The following SVIL variants were observed in gnomAD, a reference collection of about 807,000 sequenced individuals.
The protein encoded by SVIL is supervillin.
SVIL carries 101 observed loss-of-function variants against 240.4 expected under a neutral mutation model. The ratio of observed to expected loss-of-function variants is 0.42; its 90% CI spans 0.36 to 0.50. The LOEUF (loss-of-function observed/expected upper bound fraction) is 0.50. Ranked by LOEUF, SVIL falls within the 20% of genes least tolerant of loss-of-function variation. SVIL has a pLI of 0.01. For synonymous variants in SVIL, 999 were observed against 1,100.0 expected (o/e 0.91, Z 1.82); for missense variants, 2,512 against 2,818.7 (o/e 0.89, Z 2.46).
chr10:29,693,277 C>T (rs2132619478), intron 1 of SVIL, among the ~76,000 whole-genome samples: 1 of 137,130 alleles, frequency 7.3e-6, no homozygotes, highest in East Asian at 2.1e-4. Context: ...AAGCATGACA[C>T]TATAGGACCT....
chr10:29,467,907 A>G, intron 32 of SVIL, 32 bp from the exon 33 acceptor site: 1 of 1,610,556 alleles, frequency 6.2e-7, no homozygotes, highest in East Asian at 2.2e-5. Flanking sequence ...AGTTCTTTAT[A>G]AGTCTGGAGA....
At chr10:29,646,931 T>A (rs986328879) in intron 3 of SVIL, among the ~76,000 whole-genome samples, 1 of 152,132 alleles carries the variant, frequency 6.6e-6, no homozygotes, top group African/African-American at 2.4e-5. Flanking sequence ...AAGAGCAAGA[T>A]TGCGTCTTAA....
At chr10:29,666,801 G>A (rs1223465086) in intron 2 of SVIL, among the ~76,000 whole-genome samples, 2 of 152,174 alleles carry the variant, frequency 1.3e-5, no homozygotes, top group African/African-American at 2.4e-5. Flanking sequence ...GTCATATTCC[G>A]AGGTTTCTCT....
intron 1 of SVIL, among the ~76,000 whole-genome samples, chr10:29,620,975 T>A (rs1957614315): frequency 6.6e-6 from 1 of 151,790 alleles, no homozygotes; most frequent in Admixed American, 6.6e-5. Flanking sequence ...AAAATTTTTT[T>A]TTTTTTTTTG....
chr10:29,467,488 C>A (rs924291450), intron 33 of SVIL, among the ~76,000 whole-genome samples: 3 of 152,108 alleles, frequency 2.0e-5, no homozygotes, highest in Non-Finnish European at 4.4e-5. Flanking sequence ...AAAAACTGTT[C>A]AATCAGCTGG....
chr10:29,638,197 C>CA (rs1285237752), upstream of SVIL, among the ~76,000 whole-genome samples: 1 of 152,156 alleles, frequency 6.6e-6, no homozygotes, highest in Non-Finnish European at 1.5e-5. Context: ...CGGGGTGGCT[C>CA]ACACCTGTAA....
chr10:29,609,535 A>G (rs1957159676), intron 1 of SVIL, among the ~76,000 whole-genome samples: 1 of 152,356 alleles, frequency 6.6e-6, no homozygotes, highest in South Asian at 2.1e-4. Context: ...GAAGAGCTGC[A>G]GCCCTTCTGG....
In SVIL at chr10:29,473,847, C is replaced by T. The variant is rs1288021752; in HGVS notation, c.5520G>A (p.Arg1840=). 6.2e-6 allele frequency: 10 copies of T among 1,613,870 alleles called. No individual in the cohort carries two copies. Among genetic ancestry groups the T allele is most frequent in the Non-Finnish European group, 8.5e-6 (10 of 1,179,952 alleles). The part of the protein sequence containing the change: ...ALMTVELDEE[R]GAQVQVLQGK... ...GCTCCCCAGGACTCACCTGGGCCCCCCTTTCCTCGTCCAGCTCCACCGTCA... is the reference window on the plus strand; with the variant it reads ...GCTCCCCAGGACTCACCTGGGCCCCTCTTTCCTCGTCCAGCTCCACCGTCA... Residue 1840 remains arginine (R), a synonymous_variant, in exon 30 of 38, where the codon AGG becomes AGA. Coordinates refer to ENST00000355867, the MANE Select transcript of SVIL (RefSeq NM_021738.3).
chr10:29,704,492 C>T (rs183499934), intron 1 of SVIL, among the ~76,000 whole-genome samples: 141 of 152,184 alleles, frequency 9.3e-4, no homozygotes, highest in Middle Eastern at 3.4e-3. Flanking sequence ...GAACTCCTGG[C>T]CTCAAGTGAT....
intron 1 of SVIL, among the ~76,000 whole-genome samples, chr10:29,700,632 G>A (rs1321942485): frequency 5.3e-5 from 8 of 151,856 alleles, no homozygotes; most frequent in Admixed American, 2.6e-4. Context: ...CACCACACCC[G>A]ACTAGTTTTT....
At chr10:29,483,144 T>C in intron 27 of SVIL, 1 of 152,130 alleles carries the variant, frequency 6.6e-6, no homozygotes, top group Non-Finnish European at 1.5e-5. Flanking sequence ...TGAATGACTG[T>C]TTGTTATGTC....
intron 17 of SVIL, chr10:29,507,896 A>G (rs1213833610): frequency 7.2e-6 from 3 of 416,532 alleles, no homozygotes; most frequent in Non-Finnish European, 9.9e-6. Flanking sequence ...GGGGAGGGAG[A>G]GACAAAACAA....
chr10:29,507,865 G>C (rs1395705230), intron 17 of SVIL: 6 of 808,156 alleles, frequency 7.4e-6, no homozygotes, highest in Non-Finnish European at 9.0e-6. Flanking sequence ...ATTTATCAGA[G>C]CGGGGCCGGG....
In SVIL at chr10:29,526,942, A is replaced by G. The variant is rs771615215; in HGVS notation, c.2342+19T>C. The G allele has an allele frequency of 6.4e-6, 10 of 1,551,184 alleles. No homozygotes were observed. Among genetic ancestry groups the G allele is most frequent in the African/African-American group, 1.4e-5 (1 of 71,658 alleles). On this transcript the variant is annotated intron_variant, in intron 13 of 37. Transcript: ENST00000355867. ...CACCTTTGCACCGGGTGCCGCATGC[A>G]TCTGTATCTGTCCAGTACCTGGCAG...
Position 29,486,179 on chromosome 10 carries a change from G to C in SVIL, c.4685C>G (p.Thr1562Ser). 1 of 1,614,210 alleles carries C rather than the reference G, an allele frequency of 6.2e-7. No homozygotes were observed. Among genetic ancestry groups the C allele is most frequent in the Non-Finnish European group, 8.5e-7 (1 of 1,180,042 alleles). ...ATCCATGAGACGGTAAATGCAGTTA[G>C]TTTCTATTATGGCTGCTTCATAGAG... Reference protein sequence around the residue: ...DELYEAAIIETNCIYRLMDDK... With the variant: ...DELYEAAIIESNCIYRLMDDK... Residue 1562 changes from threonine to serine, a missense_variant, in exon 26 of 38, where the codon ACT becomes AGT. By Grantham distance (58) the Thr-to-Ser change is moderately conservative (BLOSUM62 1). Transcript: ENST00000355867.
intron 17 of SVIL, among the ~76,000 whole-genome samples, chr10:29,500,240 G>A (rs1039264892): frequency 3.3e-5 from 5 of 151,990 alleles, no homozygotes; most frequent in Non-Finnish European, 7.4e-5. Context: ...CAGGGCAGGA[G>A]GTCCTCAAAC....
At chr10:29,494,848 AG>A in intron 20 of SVIL, 65 bp downstream of exon 20, 1 of 1,515,166 alleles carries the variant, frequency 6.6e-7, no homozygotes, top group Non-Finnish European at 9.1e-7. Flanking sequence ...TGGCTGAGGA[AG>A]AAAAGCAATC....
intron 2 of SVIL, among the ~76,000 whole-genome samples, chr10:29,567,195 G>A (rs375261389): frequency 6.6e-5 from 10 of 152,118 alleles, no homozygotes; most frequent in African/African-American, 1.2e-4. Context: ...AACGTGTCCC[G>A]TTAACCTACT....
At chr10:29,493,081 G>C (rs1465481956) in intron 21 of SVIL, 133 bp downstream of exon 21, 6 of 1,131,210 alleles carry the variant, frequency 5.3e-6, no homozygotes, top group African/African-American at 1.6e-5. Flanking sequence ...CCTGGCTCTA[G>C]AATACTAACG....
Sources: allele counts gnomAD v4.1 joint callset (sites outside exome capture counted in the v4.1 genomes callset), GRCh38; gene constraint gnomAD v4.1.1; transcripts MANE v1.5; gene names NCBI Gene and HGNC (gene_info 2026-07-23, HGNC 2026-07-21).